ZMYND11: variants seen among roughly 807,000 people sequenced by gnomAD.
The protein encoded by ZMYND11 is zinc finger MYND-type containing 11.
A neutral mutation model predicts 84.9 loss-of-function variants in ZMYND11; 9 were observed. The observed-to-expected ratio is 0.11, with a 90% CI of 0.06 to 0.18. The LOEUF (loss-of-function observed/expected upper bound fraction) is 0.18. Among genes scored for constraint, ZMYND11 ranks in the 10% least tolerant of loss-of-function variants. The probability of loss-of-function intolerance (pLI) is 1.00; values close to 1 mark genes in which losing one functional copy is unlikely to be tolerated. For missense variants in ZMYND11, 409 were observed against 761.0 expected (o/e 0.54, Z 5.44); for synonymous variants, 250 against 244.1 (o/e 1.02, Z -0.23).
intron 4 of ZMYND11, among the ~76,000 whole-genome samples, chr10:233,292 C>T (rs1481458302): frequency 1.3e-5 from 2 of 152,202 alleles, no homozygotes; most frequent in African/African-American, 2.4e-5. Context: ...AGGGCGTGCA[C>T]TGGTGCAGCC....
chr10:183,742 A>G (rs1848361025), intron 2 of ZMYND11, among the ~76,000 whole-genome samples: 1 of 152,212 alleles, frequency 6.6e-6, no homozygotes, highest in African/African-American at 2.4e-5. Flanking sequence ...ATTACATTTC[A>G]TATATTTCAG....
At chr10:142,283 G>T (rs1837669607) in intron 1 of ZMYND11, among the ~76,000 whole-genome samples, 1 of 152,062 alleles carries the variant, frequency 6.6e-6, no homozygotes, top group Non-Finnish European at 1.5e-5. Context: ...TGTAGTGATG[G>T]GGTTTCACCA....
intron 3 of ZMYND11, among the ~76,000 whole-genome samples, chr10:211,219 C>G (rs1043546763): frequency 7.3e-5 from 11 of 151,066 alleles, no homozygotes; most frequent in African/African-American, 2.7e-4. Context: ...AAAAATCTAT[C>G]TATAGATATC....
At chr10:244,604 CAGACAAA>C (rs1426300064) in intron 10 of ZMYND11, 7 of 152,286 alleles carry the variant, frequency 4.6e-5, no homozygotes, top group African/African-American at 1.4e-4. Flanking sequence ...AAACCAGGTA[CAGACAAA>C]AAAGAGGTAG....
At position 244,238 on chromosome 10, in the gene ZMYND11, CA is replaced by C. The variant is rs1431932932; in HGVS notation, c.950+2103del. ...TTTAATTATTTAAGCAACTTATGCT[CA>C]AAAGGTTCTGGTTGATCAGGAGCCA... On this transcript the variant is annotated intron_variant, in intron 10 of 14. Coordinates refer to ENST00000381604, the MANE Select transcript of ZMYND11 (RefSeq NM_001370100.5). Among the ~76,000 whole-genome samples the C allele has an allele frequency of 2.6e-5, 4 of 152,128 alleles. No individual in the cohort carries two copies. In the East Asian group the frequency reaches 7.7e-4, roughly 29 times the overall value.
At chr10:154,084 A>T (rs1554757952) in intron 1 of ZMYND11, among the ~76,000 whole-genome samples, 1 of 152,212 alleles carries the variant, frequency 6.6e-6, no homozygotes, top group African/African-American at 2.4e-5. Context: ...TCGTCATCCC[A>T]TGAATCCACA....
chr10:164,034 T>G (rs1843466821), intron 1 of ZMYND11, among the ~76,000 whole-genome samples: 1 of 152,154 alleles, frequency 6.6e-6, no homozygotes, highest in Non-Finnish European at 1.5e-5. Flanking sequence ...TATTTTTGAT[T>G]GATTATGTAG....
chr10:206,874 G>A (rs1309332830), intron 2 of ZMYND11, among the ~76,000 whole-genome samples: 1 of 151,278 alleles, frequency 6.6e-6, no homozygotes, highest in Non-Finnish European at 1.5e-5. Context: ...TAAGTTTTAG[G>A]GTACATGTGC....
At position 187,260 on chromosome 10, in the gene ZMYND11, A is replaced by G. The variant is rs568611002; in HGVS notation, c.116+7132A>G. 2.6e-5 allele frequency among the ~76,000 whole-genome samples: 4 copies of G among 152,234 alleles called. 1 individual carries two copies. In the South Asian group the frequency reaches 8.3e-4, roughly 32 times the overall value. On this transcript the variant is annotated intron_variant, in intron 2 of 14. Coordinates refer to ENST00000381604, the MANE Select transcript of ZMYND11 (RefSeq NM_001370100.5). ...ACAAAACGAAACAAAAAAACCCTGC[A>G]AGTCTTATATCCAAGAAGGTAGTAG...
chr10:217,715 A>C (rs1946427498), intron 3 of ZMYND11, among the ~76,000 whole-genome samples: 1 of 152,112 alleles, frequency 6.6e-6, no homozygotes, highest in Non-Finnish European at 1.5e-5. Flanking sequence ...TCCCGTAAGG[A>C]CTGTCTGCGT....
intron 10 of ZMYND11, among the ~76,000 whole-genome samples, chr10:243,323 G>T (rs989937834): frequency 2.6e-5 from 4 of 152,136 alleles, no homozygotes; most frequent in African/African-American, 9.7e-5. Flanking sequence ...AATAACGGGG[G>T]AAAGTTTGCT....
intron 4 of ZMYND11, 128 bp downstream of exon 4, chr10:221,484 T>C (rs577187773): frequency 4.7e-6 from 4 of 852,020 alleles, no homozygotes; most frequent in African/African-American, 3.4e-5. Context: ...GGTTATCTAA[T>C]GAAATGATGA....
chr10:151,526 A>G (rs1217630080), intron 1 of ZMYND11, among the ~76,000 whole-genome samples: 7 of 152,218 alleles, frequency 4.6e-5, no homozygotes, highest in African/African-American at 1.4e-4. Context: ...AAGAGAGTAA[A>G]AAGAAATGAG....
At chr10:140,094 A>G (rs188570904) in intron 1 of ZMYND11, among the ~76,000 whole-genome samples, 1 of 152,168 alleles carries the variant, frequency 6.6e-6, no homozygotes, top group Non-Finnish European at 1.5e-5. Context: ...ATTGCATCCT[A>G]TCCCAGACAC....
chr10:170,566 G>A (rs1230190139), intron 1 of ZMYND11, among the ~76,000 whole-genome samples: 2 of 151,888 alleles, frequency 1.3e-5, no homozygotes, highest in African/African-American at 2.4e-5. Flanking sequence ...AGAATATTGT[G>A]TTACTATAAG....
intron 4 of ZMYND11, among the ~76,000 whole-genome samples, chr10:229,921 T>C (rs754528390): frequency 3.3e-5 from 5 of 152,278 alleles, no homozygotes; most frequent in Non-Finnish European, 7.4e-5. Flanking sequence ...TGTAACAACA[T>C]AGAATCAAAA....
intron 10 of ZMYND11, among the ~76,000 whole-genome samples, chr10:245,273 G>A (rs140885504): frequency 1.3e-5 from 2 of 152,162 alleles, no homozygotes; most frequent in African/African-American, 4.8e-5. Context: ...TTTAGCTGTT[G>A]TTAGCATCTA....
chr10:148,791 A>G (rs905799751), intron 1 of ZMYND11: 5 of 152,284 alleles, frequency 3.3e-5, no homozygotes, highest in African/African-American at 1.2e-4. Flanking sequence ...ACGGGACAGC[A>G]CAGCCTCATC....
At chr10:231,545 G>C (rs955030076) in intron 4 of ZMYND11, among the ~76,000 whole-genome samples, 3 of 152,152 alleles carry the variant, frequency 2.0e-5, no homozygotes, top group Non-Finnish European at 4.4e-5. Context: ...AAGGTATTCA[G>C]TCCTGAATGC....
Sources: allele counts gnomAD v4.1 joint callset (sites outside exome capture counted in the v4.1 genomes callset), GRCh38; gene constraint gnomAD v4.1.1; transcripts MANE v1.5; gene names NCBI Gene and HGNC (gene_info 2026-07-23, HGNC 2026-07-21).